JMJD1C: variants seen among roughly 807,000 people sequenced by gnomAD.
The protein encoded by JMJD1C is jumonji domain containing 1C, also known as jumonji domain-containing protein 1C.
JMJD1C carries 31 observed loss-of-function variants against 245.3 expected under a neutral mutation model. The observed-to-expected ratio is 0.13, with a 90% CI of 0.09 to 0.17. JMJD1C has a LOEUF of 0.17. JMJD1C is among the 10% of genes least tolerant of loss of function. The probability of loss-of-function intolerance (pLI) is 1.00; values close to 1 mark genes in which losing one functional copy is unlikely to be tolerated. For synonymous variants in JMJD1C, 1,057 were observed against 1,017.4 expected (o/e 1.04, Z -0.74); for missense variants, 2,691 against 3,000.2 (o/e 0.90, Z 2.41).
rs1302583601 is a variant in JMJD1C, at chr10:63,190,936, A to C, written c.6249T>G (p.Asp2083Glu). The C allele has an allele frequency of 6.2e-7, 1 of 1,613,956 alleles. No individual in the cohort carries two copies. The highest frequency in any genetic ancestry group is 2.2e-5 in the East Asian group (1 of 44,890). ...ATACTGGGGCAAAGGCAATGCCAGC[A>C]TCTGTAGACCCCACACGTAGCTTTC... is the stretch of plus-strand genomic sequence containing the variant. ...TAGKLRVGSTDAGIAFAPVYS... is the reference protein window; with the variant it reads ...TAGKLRVGSTEAGIAFAPVYS... The change falls in exon 17 of 26, where the codon GAT (aspartate) becomes GAG (glutamate). Residue 2083 changes from aspartate (D) to glutamate (E), a missense_variant. This residue lies in a region of JMJD1C where 275 missense variants were observed against 285.5 expected (regional missense o/e 0.96). Transcript: ENST00000399262.
At position 63,439,608 on chromosome 10, in the gene JMJD1C, G is replaced by A. The variant is rs1290910243; in HGVS notation, c.168+25887C>T. 7.2e-5 allele frequency among the ~76,000 whole-genome samples: 11 copies of A among 152,128 alleles called. No homozygotes were observed. The East Asian group carries it at 1.5e-3, about 21-fold the overall frequency. ...TCTATTGAACCACCTCAGTTTACAC[G>A]GATGGTTTTTAAGGCCTTATTTCTA... On this transcript the variant is annotated intron_variant, in intron 1 of 25. Transcript: ENST00000399262.
intron 1 of JMJD1C, among the ~76,000 whole-genome samples, chr10:63,394,110 C>G: frequency 6.7e-6 from 1 of 150,304 alleles, no homozygotes; most frequent in Admixed American, 6.7e-5. Context: ...TCGCTTGAAT[C>G]CGGGAGGTAG....
intron 10 of JMJD1C, chr10:63,204,533 C>T: frequency 1.0e-6 from 1 of 985,326 alleles, no homozygotes; most frequent in Non-Finnish European, 1.2e-6. Flanking sequence ...TCTGAACACC[C>T]AACACCAAAG....
intron 1 of JMJD1C, among the ~76,000 whole-genome samples, chr10:63,408,978 A>C (rs1031237509): frequency 6.6e-6 from 1 of 152,218 alleles, no homozygotes; most frequent in Non-Finnish European, 1.5e-5. Context: ...GTATCTGATT[A>C]ATCAGTGGCA....
intron 1 of JMJD1C, among the ~76,000 whole-genome samples, chr10:63,447,342 G>GT (rs1309276564): frequency 6.6e-6 from 1 of 152,020 alleles, no homozygotes; most frequent in East Asian, 1.9e-4. Context: ...TATCAACATA[G>GT]TAAAAAGCAG....
At chr10:63,429,535 C>T (rs998706420) in intron 1 of JMJD1C, among the ~76,000 whole-genome samples, 8 of 152,154 alleles carry the variant, frequency 5.3e-5, no homozygotes, top group African/African-American at 1.9e-4. Context: ...ATGACCAACA[C>T]AGATGCATAA....
intron 1 of JMJD1C, among the ~76,000 whole-genome samples, chr10:63,432,378 G>C (rs1950811182): frequency 6.6e-6 from 1 of 152,138 alleles, no homozygotes; most frequent in Non-Finnish European, 1.5e-5. Flanking sequence ...AAATCCCCCT[G>C]TGAAATCATA....
At chr10:63,487,602 C>T (rs1378802997) in intron 1 of JMJD1C, among the ~76,000 whole-genome samples, 2 of 152,044 alleles carry the variant, frequency 1.3e-5, no homozygotes, top group African/African-American at 4.8e-5. Flanking sequence ...AATGGGAAGA[C>T]AAAGGGACAA....
chr10:63,305,378 A>AC lies in JMJD1C; in HGVS notation c.334-40615_334-40614insG, dbSNP rs1554880544. The stretch of plus-strand genomic sequence containing the variant: ...CAAGACTCCACCTCAAAAAAAAAAC[A>AC]AAAAACAAAAAAGGTTGCAGTGAGC... On this transcript the variant is annotated intron_variant, in intron 2 of 25. Coordinates refer to ENST00000399262, the MANE Select transcript of JMJD1C (RefSeq NM_032776.3). 2.5e-4 allele frequency among the ~76,000 whole-genome samples: 11 copies of AC among 44,244 alleles called. 2 individuals are homozygous for AC. The highest frequency in any genetic ancestry group is 4.0e-4 in the African/African-American group (8 of 20,216). 29.0% of individuals were successfully genotyped at this position (44,244 alleles called of 152,430 possible). A position where few individuals can be genotyped will look rare whatever the true frequency, so the allele number is the denominator to read the frequency against.
chr10:63,511,367 C>A (rs1230098270), intron 1 of JMJD1C, among the ~76,000 whole-genome samples: 1 of 152,184 alleles, frequency 6.6e-6, no homozygotes, highest in Non-Finnish European at 1.5e-5. Context: ...TGGGTTTGAA[C>A]TGCATGGGTC....
At chr10:63,475,535 A>G (rs2133166142) in intron 1 of JMJD1C, among the ~76,000 whole-genome samples, 1 of 152,330 alleles carries the variant, frequency 6.6e-6, no homozygotes, top group Non-Finnish European at 1.5e-5. Context: ...CTTCTGAAGG[A>G]CAGACAAGAA....
At chr10:63,262,761 C>T (rs964338826) in intron 3 of JMJD1C, among the ~76,000 whole-genome samples, 6 of 152,142 alleles carry the variant, frequency 3.9e-5, no homozygotes, top group African/African-American at 1.4e-4. Flanking sequence ...ATACAATTCA[C>T]TAAACTGCGT....
rs556795943 is a variant in JMJD1C at position 63,245,776 on chromosome 10, C to A, written c.447+18875G>T. 4.5e-4 allele frequency among the ~76,000 whole-genome samples: 68 copies of A among 152,236 alleles called. 1 individual carries two copies. Among genetic ancestry groups the A allele is most frequent in the Middle Eastern group, 3.4e-3 (1 of 294 alleles). ...GGGATTACAGGCGTGAGCCACCAGC[C>A]CGGCCGGGAACTCCTCTCTTTAAAG... On this transcript the variant is annotated intron_variant, in intron 3 of 25. Transcript: ENST00000399262.
Position 63,264,644 on chromosome 10 carries a change from T to G in JMJD1C, c.447+7A>C, listed in dbSNP as rs73290502. ...TTAATTTTAAAAAGTAATCTAAAAT[T>G]TCTTACCTGGTAGGGCTGAAAGGCA... On this transcript the variant is annotated splice_region_variant and intron_variant, in intron 3 of 25. Transcript: ENST00000399262. The G allele has an allele frequency of 4.9e-3, 6,344 of 1,288,520 alleles. 239 individuals are homozygous for G. In the African/African-American group the frequency reaches 0.085, roughly 17 times the overall value. The allele number at this position is 1,288,520 out of a possible 1,614,324, so 79.8% of individuals were successfully genotyped here. A position where few individuals can be genotyped will look rare whatever the true frequency, so the allele number is the denominator to read the frequency against.
At chr10:63,423,184 TA>T (rs1457377713) in intron 1 of JMJD1C, among the ~76,000 whole-genome samples, 1 of 152,086 alleles carries the variant, frequency 6.6e-6, no homozygotes, top group Non-Finnish European at 1.5e-5. Context: ...AGGCTGTTCT[TA>T]AACTCCTGAC....
intron 1 of JMJD1C, chr10:63,428,072 T>C (rs1191722109): frequency 7.4e-6 from 4 of 539,448 alleles, no homozygotes; most frequent in Admixed American, 3.1e-5. Flanking sequence ...CACACATATA[T>C]ATATATTAAG....
chr10:63,285,703 G>A (rs1204464857), intron 2 of JMJD1C, among the ~76,000 whole-genome samples: 5 of 152,134 alleles, frequency 3.3e-5, no homozygotes, highest in African/African-American at 7.2e-5. Flanking sequence ...AGCTACTCAG[G>A]AGGCTGAGTT....
chr10:63,304,642 G>A (rs1937756956), intron 2 of JMJD1C, among the ~76,000 whole-genome samples: 1 of 152,156 alleles, frequency 6.6e-6, no homozygotes, highest in Non-Finnish European at 1.5e-5. Flanking sequence ...TAATAATTAT[G>A]ACAATAGTCT....
At chr10:63,437,197 CAA>C (rs1465299553) in intron 1 of JMJD1C, among the ~76,000 whole-genome samples, 1 of 152,132 alleles carries the variant, frequency 6.6e-6, no homozygotes. Context: ...ATGAATTCAT[CAA>C]AGATTAACGA....
Sources: gnomAD v4.1 joint callset for allele counts (sites outside exome capture counted in the v4.1 genomes callset) on GRCh38, gnomAD v4.1.1 for gene constraint, gnomAD v4.1.1 regional missense constraint, MANE v1.5 for transcripts, NCBI Gene and HGNC (gene_info 2026-07-23, HGNC 2026-07-21) for gene names.